The following SH3PXD2B variants were observed in gnomAD, a reference collection of about 807,000 sequenced individuals.
SH3PXD2B encodes the protein SH3 and PX domain-containing protein 2B.
In SH3PXD2B, 37 loss-of-function variants were observed where a neutral mutation model predicts 73.1. That is an observed-to-expected ratio of 0.51 (90% CI 0.39 to 0.67). SH3PXD2B has a LOEUF of 0.67. Ranked by LOEUF, SH3PXD2B falls within the 30% of genes least tolerant of loss-of-function variation. The pLI is 0.00. For synonymous variants in SH3PXD2B, 457 were observed against 480.5 expected (o/e 0.95, Z 0.64); for missense variants, 1,053 against 1,197.8 (o/e 0.88, Z 1.78).
chr5:172,407,502 A>G (rs765354220), intron 2 of SH3PXD2B, among the ~76,000 whole-genome samples: 1 of 152,220 alleles, frequency 6.6e-6, no homozygotes, highest in Non-Finnish European at 1.5e-5. Flanking sequence ...CTCTGGTTGT[A>G]TAGTGAGGTT....
chr5:172,362,850 C>T lies in SH3PXD2B; in HGVS notation c.447G>A (p.Val149=), dbSNP rs150700814. The change falls in exon 7 of 13, where the codon GTG becomes GTA. Residue 149 remains valine (V), a synonymous_variant. Transcript: ENST00000311601. ...KKKSGGDQTS[V]DPMVLEQYVV... is the part of the protein sequence containing the mutation. ...CATACTGCTCCAGGACCATGGGGTC[C>T]ACTGAGGTTTGGTCACCCCCTGTGG... is the stretch of plus-strand genomic sequence containing the variant. 1.2e-6 allele frequency: 2 copies of T among 1,614,036 alleles called. No homozygotes were observed. Among genetic ancestry groups the T allele is most frequent in the African/African-American group, 2.7e-5 (2 of 74,902 alleles).
At position 172,353,954 on chromosome 5, in the gene SH3PXD2B, A is replaced by C; in HGVS notation, c.719T>G (p.Met240Arg). The C allele has an allele frequency of 6.2e-7, 1 of 1,613,988 alleles. No homozygotes were observed. Among genetic ancestry groups the C allele is most frequent in the Non-Finnish European group, 8.5e-7 (1 of 1,179,988 alleles). The change falls in exon 9 of 13, where the codon ATG (methionine) becomes AGG (arginine). Residue 240 changes from methionine to arginine, a missense_variant. By Grantham distance (91) the Met-to-Arg change is moderately conservative. Transcript: ENST00000311601. The surrounding 1 kb of genome is among the most constrained non-coding windows in gnomAD (Gnocchi z 4.3). Reference sequence around the variant, plus strand: ...CACCACAGCCCCTCTCTCCAGGTTCATTTCATCCTGGTCCCGAGCTGTGTA... The same window carrying C: ...CACCACAGCCCCTCTCTCCAGGTTCCTTTCATCCTGGTCCCGAGCTGTGTA... ...YPYTARDQDEMNLERGAVVEV... is the reference protein window; with the variant it reads ...YPYTARDQDERNLERGAVVEV...
chr5:172,412,573 G>C (rs1243417280), intron 2 of SH3PXD2B, among the ~76,000 whole-genome samples: 3 of 152,136 alleles, frequency 2.0e-5, no homozygotes, highest in African/African-American at 7.2e-5. Context: ...CTAGGACTCA[G>C]GATAAGATGC....
At chr5:172,406,503 G>T in intron 2 of SH3PXD2B, 151 bp from the exon 3 acceptor site, 1 of 831,490 alleles carries the variant, frequency 1.2e-6, no homozygotes. Context: ...TAATGGGAAA[G>T]GCAATTTCAG....
rs1756669023 is a variant in SH3PXD2B at position 172,335,582 on chromosome 5, T to C, written c.*2787A>G. 3.2e-6 allele frequency: 4 copies of C among 1,231,678 alleles called. No individual in the cohort carries two copies. The highest frequency in any genetic ancestry group is 1.6e-5 in the African/African-American group (1 of 64,422). 76.3% of individuals were successfully genotyped at this position (1,231,678 alleles called of 1,614,324 possible). ...GCCGTAAGGATTAAAGGAGCGTGTG[T>C]GTTTAGGCACTGGTCACCAGCCCGG... is the stretch of plus-strand genomic sequence containing the variant. On this transcript the variant is annotated 3_prime_UTR_variant, in exon 13 of 13. Coordinates refer to ENST00000311601, the MANE Select transcript of SH3PXD2B (RefSeq NM_001017995.3).
intron 1 of SH3PXD2B, among the ~76,000 whole-genome samples, chr5:172,435,064 C>T (rs1327121978): frequency 2.6e-5 from 4 of 152,132 alleles, no homozygotes; most frequent in Admixed American, 6.5e-5. Flanking sequence ...GGATTACAGA[C>T]GTGAGCCACC....
intron 1 of SH3PXD2B, among the ~76,000 whole-genome samples, chr5:172,447,041 G>C (rs1351034863): frequency 1.3e-5 from 2 of 152,164 alleles, no homozygotes; most frequent in African/African-American, 4.8e-5. Context: ...GACAGGATGG[G>C]GCAGCAGGAT....
At chr5:172,374,073 G>T (rs1757770092) in intron 5 of SH3PXD2B, among the ~76,000 whole-genome samples, 1 of 152,198 alleles carries the variant, frequency 6.6e-6, no homozygotes, top group African/African-American at 2.4e-5. Context: ...GAAGCCCTGG[G>T]GAGGAGCCGA....
At chr5:172,385,267 CTTGTGGCTTCCCCCCA>C (rs757970193) in intron 4 of SH3PXD2B, among the ~76,000 whole-genome samples, 46 of 152,260 alleles carry the variant, frequency 3.0e-4, no homozygotes, top group Non-Finnish European at 6.5e-4. Context: ...GTGCAAATAT[CTTGTGGCTTCCCCCCA>C]AGACTACAAT....
chr5:172,417,685 C>T (rs966045653), intron 2 of SH3PXD2B, among the ~76,000 whole-genome samples: 22 of 152,214 alleles, frequency 1.4e-4, no homozygotes, highest in Non-Finnish European at 2.1e-4. Flanking sequence ...CTAATCTTTA[C>T]GCCAATTCCT....
chr5:172,334,458 G>A lies in SH3PXD2B; in HGVS notation c.*3911C>T, dbSNP rs539343106. ...CGAGGTCATCTTTGGTCTGTGGTGA[G>A]GTATGGATGTCTGCAGTCTACACAA... On this transcript the variant is annotated 3_prime_UTR_variant, in exon 13 of 13. Coordinates refer to ENST00000311601, the MANE Select transcript of SH3PXD2B (RefSeq NM_001017995.3). 88 of 986,896 alleles carry A rather than the reference G, an allele frequency of 8.9e-5. No individual in the cohort carries two copies. The highest frequency in any genetic ancestry group is 1.1e-4 in the East Asian group (1 of 8,820). 61.1% of individuals were successfully genotyped at this position (986,896 alleles called of 1,614,324 possible). A position where few individuals can be genotyped will look rare whatever the true frequency, so the allele number is the denominator to read the frequency against.
rs540854201 is a variant in SH3PXD2B, at chr5:172,372,210, C to T, written c.427+1580G>A. On this transcript the variant is annotated intron_variant, in intron 6 of 12. Transcript: ENST00000311601. ...TAATCCCCAATGTTGGAGGTGGGGG[C>T]TGGTGGGAGGTGATTGGATCATGGG... is the stretch of plus-strand genomic sequence containing the variant. 9.2e-5 allele frequency among the ~76,000 whole-genome samples: 14 copies of T among 152,164 alleles called. No individual in the cohort carries two copies. The East Asian group carries it at 2.7e-3, about 29-fold the overall frequency.
intron 5 of SH3PXD2B, among the ~76,000 whole-genome samples, chr5:172,380,206 T>A (rs1757912555): frequency 6.8e-6 from 1 of 146,144 alleles, no homozygotes; most frequent in Non-Finnish European, 1.5e-5. Context: ...TACAGGCACG[T>A]ACCACTATGC....
At chr5:172,378,886 C>T (rs1463193053) in intron 5 of SH3PXD2B, among the ~76,000 whole-genome samples, 1 of 151,832 alleles carries the variant, frequency 6.6e-6, no homozygotes, top group Non-Finnish European at 1.5e-5. Flanking sequence ...CTGGCTAACA[C>T]GGTGAAACCC....
intron 12 of SH3PXD2B, among the ~76,000 whole-genome samples, chr5:172,342,892 C>T (rs1036819003): frequency 7.2e-5 from 11 of 152,230 alleles, no homozygotes; most frequent in African/African-American, 1.9e-4. Context: ...AGCGCCAGGA[C>T]GCAAATGCTG....
chr5:172,411,944 C>T (rs538165113), intron 2 of SH3PXD2B, among the ~76,000 whole-genome samples: 1 of 152,190 alleles, frequency 6.6e-6, no homozygotes, highest in East Asian at 1.9e-4. Context: ...CTTCATCATC[C>T]AAAACTGAAA....
intron 3 of SH3PXD2B, among the ~76,000 whole-genome samples, chr5:172,397,551 G>A (rs190635375): frequency 1.6e-3 from 236 of 152,176 alleles, no homozygotes; most frequent in Admixed American, 2.6e-3. Flanking sequence ...TGTCTCCCCC[G>A]GACACCCAGC....
At position 172,436,717 on chromosome 5, in the gene SH3PXD2B, G is replaced by A. The variant is rs187097722; in HGVS notation, c.76-14221C>T. On this transcript the variant is annotated intron_variant, in intron 1 of 12. Transcript: ENST00000311601. ...TGCTGTCTCTCATGCAGTGCACGGA[G>A]GGGCTAGGGCTTCCGCTCACAGGCT... Among the ~76,000 whole-genome samples the A allele has an allele frequency of 1.2e-4, 19 of 152,346 alleles. No homozygotes were observed. In the East Asian group the frequency reaches 3.5e-3, roughly 28 times the overall value.
In SH3PXD2B at chr5:172,346,127, G is replaced by A. The variant is rs375811510; in HGVS notation, c.1188+9C>T. ...CACAAGTAGGCAAAGGAACACCAGG[G>A]CCACTCACCTCGACCTTCAGGCCTG... is the stretch of plus-strand genomic sequence containing the variant. On this transcript the variant is annotated intron_variant, in intron 12 of 12. Coordinates refer to ENST00000311601, the MANE Select transcript of SH3PXD2B (RefSeq NM_001017995.3). 1 of 1,614,010 alleles carries A rather than the reference G, an allele frequency of 6.2e-7. No individual in the cohort carries two copies. Among genetic ancestry groups the A allele is most frequent in the Non-Finnish European group, 8.5e-7 (1 of 1,179,948 alleles).
Sources: gnomAD v4.1 joint callset for allele counts (sites outside exome capture counted in the v4.1 genomes callset) on GRCh38, gnomAD v4.1.1 for gene constraint, Gnocchi (gnomAD v3.1) non-coding constraint, MANE v1.5 for transcripts, NCBI Gene and HGNC (gene_info 2026-07-23, HGNC 2026-07-21) for gene names.